Variants in PLCG1 observed in about 807,000 individuals in gnomAD.
PLCG1 encodes the protein 1-phosphatidylinositol 4,5-bisphosphate phosphodiesterase gamma-1.
Under a neutral mutation model 177.8 loss-of-function variants are expected in PLCG1, and 71 were observed. That is an observed-to-expected ratio of 0.40 (90% CI 0.33 to 0.49). The LOEUF (loss-of-function observed/expected upper bound fraction) is 0.49. PLCG1 is among the 20% of genes least tolerant of loss of function. The pLI is 0.72. For missense variants in PLCG1, 1,281 were observed against 1,709.0 expected (o/e 0.75, Z 4.42); for synonymous variants, 658 against 647.9 (o/e 1.02, Z -0.24).
intron 1 of PLCG1, among the ~76,000 whole-genome samples, chr20:41,149,536 T>C (rs1600640386): frequency 6.6e-6 from 1 of 152,228 alleles, no homozygotes; most frequent in African/African-American, 2.4e-5. Context: ...TTTGAGGAGT[T>C]GTCTTTGAGA....
rs1365210621 is a variant in PLCG1, at chr20:41,169,543, T to G, written c.2650+17T>G. Reference sequence around the variant, plus strand: ...GTCAGATTGGTGAGCTCCCATCTGTTTCTCTTGCCCACTGTTCCCTAGGGT... The same window carrying G: ...GTCAGATTGGTGAGCTCCCATCTGTGTCTCTTGCCCACTGTTCCCTAGGGT... On this transcript the variant is annotated intron_variant, in intron 23 of 31. Transcript: ENST00000685551. The G allele has an allele frequency of 3.1e-6, 5 of 1,595,442 alleles. No individual in the cohort carries two copies. The South Asian group carries it at 5.5e-5, about 18-fold the overall frequency.
At chr20:41,139,045 G>A (rs1047721241) in intron 1 of PLCG1, among the ~76,000 whole-genome samples, 2 of 151,394 alleles carry the variant, frequency 1.3e-5, no homozygotes, top group Admixed American at 6.6e-5. Context: ...GACACCCCAA[G>A]GGGGGGTCCC....
In PLCG1 at chr20:41,173,009, GTCTT is replaced by G; in HGVS notation, c.3279+134_3279+137del. The G allele has an allele frequency of 1.2e-6, 1 of 845,180 alleles. No homozygotes were observed. Among genetic ancestry groups the G allele is most frequent in the Non-Finnish European group, 1.8e-6 (1 of 547,826 alleles). 52.4% of individuals were successfully genotyped at this position (845,180 alleles called of 1,614,324 possible). A position where few individuals can be genotyped will look rare whatever the true frequency, so the allele number is the denominator to read the frequency against. On this transcript the variant is annotated intron_variant, in intron 27 of 31. Coordinates refer to ENST00000685551, the MANE Select transcript of PLCG1 (RefSeq NM_002660.3). The surrounding 1 kb of genome is among the most constrained non-coding windows in gnomAD (Gnocchi z 6.2). ...TCAGGGTGGGTGGGGCCTGAGCTGA[GTCTT>G]TGAAGGGGTGAAGATAGCATGCAGT...
Position 41,174,657 on chromosome 20 carries a change from C to A in PLCG1, c.*148C>A. On this transcript the variant is annotated 3_prime_UTR_variant, in exon 32 of 32. Transcript: ENST00000685551. The surrounding 1 kb of genome is among the most constrained non-coding windows in gnomAD (Gnocchi z 5.8). Reference sequence around the variant, plus strand: ...TCCAGCAGTGAATGCTAGACAGAAACCAAGCCATTAATGAGATGTTATTAC... The same window carrying A: ...TCCAGCAGTGAATGCTAGACAGAAAACAAGCCATTAATGAGATGTTATTAC... The A allele has an allele frequency of 1.4e-6, 1 of 698,398 alleles. No individual in the cohort carries two copies. The highest frequency in any genetic ancestry group is 2.5e-6 in the Non-Finnish European group (1 of 398,900). The allele number at this position is 698,398 out of a possible 1,614,324, so 43.3% of individuals were successfully genotyped here.
chr20:41,159,485 C>A lies in PLCG1; in HGVS notation c.218-121C>A. 1 of 971,676 alleles carries A rather than the reference C, an allele frequency of 1.0e-6. No individual in the cohort carries two copies. Among genetic ancestry groups the A allele is most frequent in the Non-Finnish European group, 1.5e-6 (1 of 654,216 alleles). 60.2% of individuals were successfully genotyped at this position (971,676 alleles called of 1,614,324 possible). Reference sequence around the variant, plus strand: ...TACCAGAGTGACTGAGTGGTCTTGGCTCTGCCTCTGGGGTTCCTCCCTGAG... The same window carrying A: ...TACCAGAGTGACTGAGTGGTCTTGGATCTGCCTCTGGGGTTCCTCCCTGAG... On this transcript the variant is annotated intron_variant, in intron 1 of 31. Transcript: ENST00000685551. The surrounding 1 kb of genome is among the most constrained non-coding windows in gnomAD (Gnocchi z 6.0).
Position 41,150,046 on chromosome 20 carries a change from C to T in PLCG1, c.218-9560C>T, listed in dbSNP as rs1568731373. Among the ~76,000 whole-genome samples the T allele has an allele frequency of 6.6e-6, 1 of 152,054 alleles. No homozygotes were observed. ...CCATCTCTGCAAAAAATATAATCAG[C>T]CTGGCGTTGTGGTTTGCCTGTAGTC... On this transcript the variant is annotated intron_variant, in intron 1 of 31. Transcript: ENST00000685551. The surrounding 1 kb of genome is among the most constrained non-coding windows in gnomAD (Gnocchi z 4.0).
chr20:41,172,430 C>T lies in PLCG1; in HGVS notation c.2915C>T (p.Thr972Ile). Residue 972 changes from threonine (T) to isoleucine (I), a missense_variant, in exon 26 of 32, where the codon ACA (threonine) becomes ATA (isoleucine). This residue lies in a region of PLCG1 where 723 missense variants were observed against 1,030.0 expected (regional missense o/e 0.70). Transcript: ENST00000685551. This position sits in a 1 kb window ranked among gnomAD's most constrained non-coding sequence, Gnocchi z 7.0. ...TCCCTGTTTGGCCCAGAGATTGGCA[C>T]AGAACGTGCTTGCTACCGGGACATG... ...PVPFDEEKIG[T>I]ERACYRDMSS... is the part of the protein sequence containing the mutation. The T allele has an allele frequency of 6.2e-7, 1 of 1,614,054 alleles. No individual in the cohort carries two copies. Among genetic ancestry groups the T allele is most frequent in the Non-Finnish European group, 8.5e-7 (1 of 1,179,916 alleles).
At position 41,137,845 on chromosome 20, in the gene PLCG1, G is replaced by T; in HGVS notation, c.204G>T (p.Lys68Asn). The change falls in exon 1 of 32, where the codon AAG (lysine) becomes AAT (asparagine). Residue 68 changes from lysine to asparagine, a missense_variant. By Grantham distance (94) the Lys-to-Asn change is moderately conservative. Transcript: ENST00000685551. The surrounding 1 kb of genome is among the most constrained non-coding windows in gnomAD (Gnocchi z 7.3). ...TCACGTGGAGCCGGGGCGCCGACAAGATCGAGGGGGCCAGTAAGTGCGCCC... is the reference window on the plus strand; with the variant it reads ...TCACGTGGAGCCGGGGCGCCGACAATATCGAGGGGGCCAGTAAGTGCGCCC... ...RQITWSRGAD[K>N]IEGAIDIREI... The T allele has an allele frequency of 7.8e-7, 1 of 1,289,112 alleles. No individual in the cohort carries two copies. The highest frequency in any genetic ancestry group is 9.9e-7 in the Non-Finnish European group (1 of 1,010,938). The allele number at this position is 1,289,112 out of a possible 1,614,324, so 79.9% of individuals were successfully genotyped here.
At position 41,159,844 on chromosome 20, in the gene PLCG1, G is replaced by A. The variant is rs749619624; in HGVS notation, c.371-26G>A. On this transcript the variant is annotated intron_variant, in intron 2 of 31. Transcript: ENST00000685551. The surrounding 1 kb of genome is among the most constrained non-coding windows in gnomAD (Gnocchi z 6.0). The stretch of plus-strand genomic sequence containing the variant: ...CCCAGTGGGAGGTATGTGCCCTCGG[G>A]GCAGCTATTGATACCTTGCTCACAG... The A allele has an allele frequency of 6.2e-7, 1 of 1,613,370 alleles. No individual in the cohort carries two copies. Among genetic ancestry groups the A allele is most frequent in the Admixed American group, 1.7e-5 (1 of 60,014 alleles).
rs890013242 is a variant in PLCG1, at chr20:41,148,700, A to G, written c.217+10842A>G. The stretch of plus-strand genomic sequence containing the variant: ...AGTTTACGCTCTAGTGGAGAAAACA[A>G]TCAGACAGCCTTAAAATACATGTAT... On this transcript the variant is annotated intron_variant, in intron 1 of 31. Transcript: ENST00000685551. The surrounding 1 kb of genome is among the most constrained non-coding windows in gnomAD (Gnocchi z 4.3). 4.6e-5 allele frequency among the ~76,000 whole-genome samples: 7 copies of G among 152,222 alleles called. No individual in the cohort carries two copies. The highest frequency in any genetic ancestry group is 7.3e-5 in the Non-Finnish European group (5 of 68,036).
chr20:41,168,169 T>C (rs2035766744), intron 20 of PLCG1, among the ~76,000 whole-genome samples: 3 of 152,170 alleles, frequency 2.0e-5, no homozygotes, highest in South Asian at 4.1e-4. Context: ...CTCCTGTGGG[T>C]GACCCCTGTT....
chr20:41,159,282 T>C lies in PLCG1; in HGVS notation c.218-324T>C, dbSNP rs1195451311. 6.6e-6 allele frequency among the ~76,000 whole-genome samples: 1 copy of C among 152,190 alleles called. No individual in the cohort carries two copies. The highest frequency in any genetic ancestry group is 1.5e-5 in the Non-Finnish European group (1 of 68,032). ...AGGAAGTGGTCCTCATGAACAGCCT[T>C]GGGTCCCTATTTCTTCTTCTGGAGT... On this transcript the variant is annotated intron_variant, in intron 1 of 31. Coordinates refer to ENST00000685551, the MANE Select transcript of PLCG1 (RefSeq NM_002660.3). The surrounding 1 kb of genome is among the most constrained non-coding windows in gnomAD (Gnocchi z 6.0).
intron 1 of PLCG1, among the ~76,000 whole-genome samples, chr20:41,143,371 G>A (rs2034892371): frequency 6.6e-6 from 1 of 152,192 alleles, no homozygotes; most frequent in Non-Finnish European, 1.5e-5. Context: ...GATTGCAAAG[G>A]TGTGATATTA....
Position 41,173,524 on chromosome 20 carries a change from A to AT in PLCG1, c.3384_3385insT (p.Glu1129Ter). ...AGTATGACAGCACCAAGCAGAAGAC[A>AT]GAGTTTGTGGGTCAGTCTGTCTTCC... is the stretch of plus-strand genomic sequence containing the variant. On this transcript the variant is annotated frameshift_variant, in exon 28 of 32. Coordinates refer to ENST00000685551, the MANE Select transcript of PLCG1 (RefSeq NM_002660.3). LOFTEE classifies it high-confidence loss of function. This position sits in a 1 kb window ranked among gnomAD's most constrained non-coding sequence, Gnocchi z 6.2. 6.2e-7 allele frequency: 1 copy of AT among 1,613,776 alleles called. No homozygotes were observed. Among genetic ancestry groups the AT allele is most frequent in the East Asian group, 2.2e-5 (1 of 44,856 alleles).
At position 41,146,962 on chromosome 20, in the gene PLCG1, A is replaced by G. The variant is rs2146006303; in HGVS notation, c.217+9104A>G. Among the ~76,000 whole-genome samples, 1 of 152,284 alleles carries G rather than the reference A, an allele frequency of 6.6e-6. No individual in the cohort carries two copies. The highest frequency in any genetic ancestry group is 6.5e-5 in the Admixed American group (1 of 15,294). On this transcript the variant is annotated intron_variant, in intron 1 of 31. Coordinates refer to ENST00000685551, the MANE Select transcript of PLCG1 (RefSeq NM_002660.3). The surrounding 1 kb of genome is among the most constrained non-coding windows in gnomAD (Gnocchi z 6.3). ...CAGGTTTCTCAGCTTACTTGGGGGC[A>G]GGAGGTGAGCTAAGGAATACAACTC...
Position 41,174,424 on chromosome 20 carries a change from A to G in PLCG1, c.3834-43A>G. 6.3e-7 allele frequency: 1 copy of G among 1,592,326 alleles called. No individual in the cohort carries two copies. Among genetic ancestry groups the G allele is most frequent in the Non-Finnish European group, 8.6e-7 (1 of 1,167,288 alleles). On this transcript the variant is annotated intron_variant, in intron 31 of 31. Coordinates refer to ENST00000685551, the MANE Select transcript of PLCG1 (RefSeq NM_002660.3). This position sits in a 1 kb window ranked among gnomAD's most constrained non-coding sequence, Gnocchi z 5.8. ...GTAATATTGTCTGGCATTGGGCTGC[A>G]AGGCCCTGCCTGCCAGTAAGGACAC...
In PLCG1 at chr20:41,166,072, C is replaced by T; in HGVS notation, c.1800-122C>T. On this transcript the variant is annotated intron_variant, in intron 16 of 31. Transcript: ENST00000685551. This position sits in a 1 kb window ranked among gnomAD's most constrained non-coding sequence, Gnocchi z 8.6. ...TGTGACTGCCCACACCTGAGCTCCT[C>T]AGGAGATTGGCCTCCCTCCTTGAGG... is the stretch of plus-strand genomic sequence containing the variant. The T allele has an allele frequency of 1.2e-6, 1 of 845,582 alleles. No homozygotes were observed. The highest frequency in any genetic ancestry group is 2.3e-5 in the Admixed American group (1 of 43,124). The allele number at this position is 845,582 out of a possible 1,614,324, so 52.4% of individuals were successfully genotyped here.
At position 41,163,150 on chromosome 20, in the gene PLCG1, G is replaced by C; in HGVS notation, c.717-53G>C. The C allele has an allele frequency of 6.5e-7, 1 of 1,534,844 alleles. No homozygotes were observed. The highest frequency in any genetic ancestry group is 8.9e-7 in the Non-Finnish European group (1 of 1,127,714). On this transcript the variant is annotated intron_variant, in intron 7 of 31. Transcript: ENST00000685551. The surrounding 1 kb of genome is among the most constrained non-coding windows in gnomAD (Gnocchi z 5.2). ...GGGAGTTGGGTTCTGCCTTCCGTGG[G>C]GCACCTTGTTGTCTGTTGACCATAC... is the stretch of plus-strand genomic sequence containing the variant.
chr20:41,156,545 C>T lies in PLCG1; in HGVS notation c.218-3061C>T, dbSNP rs143826921. Among the ~76,000 whole-genome samples, 414 of 152,204 alleles carry T rather than the reference C, an allele frequency of 2.7e-3. 1 individual carries two copies. Among genetic ancestry groups the T allele is most frequent in the Admixed American group, 4.4e-3 (67 of 15,296 alleles). Reference sequence around the variant, plus strand: ...ATCCTGCCCTTGTTCTCAAAGAGTTCCTCCTTCTCACTGCCCCATCTTCTT... The same window carrying T: ...ATCCTGCCCTTGTTCTCAAAGAGTTTCTCCTTCTCACTGCCCCATCTTCTT... On this transcript the variant is annotated intron_variant, in intron 1 of 31. Coordinates refer to ENST00000685551, the MANE Select transcript of PLCG1 (RefSeq NM_002660.3). The surrounding 1 kb of genome is among the most constrained non-coding windows in gnomAD (Gnocchi z 5.0).
Sources: allele counts gnomAD v4.1 joint callset (sites outside exome capture counted in the v4.1 genomes callset), GRCh38; gene constraint gnomAD v4.1.1; regional missense constraint gnomAD v4.1.1; non-coding constraint Gnocchi (gnomAD v3.1); transcripts MANE v1.5; gene names NCBI Gene and HGNC (gene_info 2026-07-23, HGNC 2026-07-21).